SH3D19: variants seen among roughly 807,000 people sequenced by gnomAD.
SH3D19 encodes the protein SH3 domain-containing protein 19.
SH3D19 carries 58 observed loss-of-function variants against 112.1 expected under a neutral mutation model. That is an observed-to-expected ratio of 0.52 (90% CI 0.42 to 0.64). The LOEUF is 0.64. Among genes scored for constraint, SH3D19 ranks in the 30% least tolerant of loss-of-function variants. SH3D19 has a pLI of 0.00. For synonymous variants in SH3D19, 391 were observed against 448.5 expected (o/e 0.87, Z 1.62); for missense variants, 1,090 against 1,263.4 (o/e 0.86, Z 2.08).
At chr4:151,263,751 A>G (rs1772555356) in intron 1 of SH3D19, among the ~76,000 whole-genome samples, 2 of 151,828 alleles carry the variant, frequency 1.3e-5, no homozygotes, top group African/African-American at 4.8e-5. Flanking sequence ...ATGATCCAAG[A>G]CAGAGCAATA....
At chr4:151,320,653 G>A (rs1283742444) in intron 1 of SH3D19, among the ~76,000 whole-genome samples, 2 of 152,122 alleles carry the variant, frequency 1.3e-5, no homozygotes, top group South Asian at 2.1e-4. Flanking sequence ...AACAAAAGTT[G>A]AGATTCCTGG....
chr4:151,153,670 A>C (rs6535766), intron 9 of SH3D19, among the ~76,000 whole-genome samples: 146,900 of 152,264 alleles, frequency 0.96, 71,093 homozygotes, highest in African/African-American at 0.99. Context: ...ATATGCGTGA[A>C]TTCAGGCAAA....
intron 9 of SH3D19, among the ~76,000 whole-genome samples, chr4:151,158,389 T>C (rs1756526567): frequency 6.6e-6 from 1 of 152,082 alleles, no homozygotes; most frequent in African/African-American, 2.4e-5. Flanking sequence ...AACCTCTGTC[T>C]CCCGGGTTCA....
At chr4:151,192,439 AAATTTCCTACCCATTTTCC>A (rs1214116020) in intron 2 of SH3D19, among the ~76,000 whole-genome samples, 9 of 152,200 alleles carry the variant, frequency 5.9e-5, no homozygotes, top group Non-Finnish European at 1.3e-4. Flanking sequence ...AAGATATGTT[AAATTTCCTACCCATTTTCC>A]AATATAAACA....
intron 18 of SH3D19, 75 bp downstream of exon 18, chr4:151,128,095 G>T: frequency 1.6e-6 from 2 of 1,251,890 alleles, no homozygotes; most frequent in Non-Finnish European, 2.1e-6. Context: ...GGCCAGAGGG[G>T]AAAGGAATGT....
chr4:151,162,988 T>A (rs1757415664), intron 8 of SH3D19, among the ~76,000 whole-genome samples: 1 of 152,198 alleles, frequency 6.6e-6, no homozygotes, highest in Admixed American at 6.5e-5. Context: ...GCTTTCCTTC[T>A]GGGAATCTGG....
At chr4:151,316,583 ATTT>A (rs528080917) in intron 1 of SH3D19, among the ~76,000 whole-genome samples, 1 of 151,532 alleles carries the variant, frequency 6.6e-6, no homozygotes, top group Non-Finnish European at 1.5e-5. Context: ...TAATTTTTTT[ATTT>A]TTTTCTTAAT....
chr4:151,236,016 G>C (rs1001655680), intron 1 of SH3D19, among the ~76,000 whole-genome samples: 1 of 152,230 alleles, frequency 6.6e-6, no homozygotes. Flanking sequence ...CAGGCTCCAA[G>C]TGCCAAAGCC....
intron 18 of SH3D19, 35 bp downstream of exon 18, chr4:151,128,135 T>G: frequency 6.5e-6 from 10 of 1,540,138 alleles, no homozygotes; most frequent in Non-Finnish European, 7.9e-6. Context: ...AGGCTCCCCG[T>G]GAGGAGTCGC....
At chr4:151,151,921 T>C (rs1291267348) in intron 9 of SH3D19, among the ~76,000 whole-genome samples, 1 of 152,230 alleles carries the variant, frequency 6.6e-6, no homozygotes, top group African/African-American at 2.4e-5. Context: ...AAATTTGACA[T>C]GGAAAGATGC....
intron 1 of SH3D19, among the ~76,000 whole-genome samples, chr4:151,308,597 AG>A (rs1729143717): frequency 1.3e-5 from 2 of 152,322 alleles, no homozygotes; most frequent in South Asian, 4.1e-4. Flanking sequence ...CTGCTGCAAA[AG>A]GCCATCCTGT....
At chr4:151,214,339 A>G (rs1002773003) in intron 2 of SH3D19, among the ~76,000 whole-genome samples, 11 of 149,290 alleles carry the variant, frequency 7.4e-5, no homozygotes, top group African/African-American at 2.7e-4. Flanking sequence ...TCTATTCCAC[A>G]AAACCACCAT....
intron 1 of SH3D19, among the ~76,000 whole-genome samples, chr4:151,297,040 T>C (rs955941689): frequency 6.6e-6 from 1 of 152,210 alleles, no homozygotes; most frequent in African/African-American, 2.4e-5. Flanking sequence ...CTGTGTATAG[T>C]CTATCCACAC....
intron 2 of SH3D19, among the ~76,000 whole-genome samples, chr4:151,210,645 C>T (rs1420902480): frequency 6.6e-6 from 1 of 152,112 alleles, no homozygotes; most frequent in Non-Finnish European, 1.5e-5. Flanking sequence ...TTGTGATCCG[C>T]CTGCCTCGGC....
chr4:151,238,025 A>G (rs918428282), intron 1 of SH3D19, among the ~76,000 whole-genome samples: 2 of 146,174 alleles, frequency 1.4e-5, no homozygotes, highest in Non-Finnish European at 3.1e-5. Context: ...GGCAGAAGTA[A>G]TAAATAAGCC....
intron 8 of SH3D19, among the ~76,000 whole-genome samples, chr4:151,161,070 G>A (rs78256463): frequency 8.7e-4 from 133 of 152,270 alleles, no homozygotes; most frequent in Middle Eastern, 3.4e-3. Flanking sequence ...TTACTGGAAG[G>A]AGAAACACAG....
At chr4:151,125,325 T>G (rs563646777) in intron 19 of SH3D19, among the ~76,000 whole-genome samples, 4 of 151,672 alleles carry the variant, frequency 2.6e-5, no homozygotes, top group Non-Finnish European at 5.9e-5. Flanking sequence ...AGCCAGGCAT[T>G]GGTGGCTCAC....
In SH3D19 at chr4:151,245,855, C is replaced by T. The variant is rs538787229; in HGVS notation, c.113-19769G>A. 2.6e-5 allele frequency among the ~76,000 whole-genome samples: 4 copies of T among 152,286 alleles called. No individual in the cohort carries two copies. In the East Asian group the frequency reaches 7.7e-4, roughly 29 times the overall value. Reference sequence around the variant, plus strand: ...GACCTCAAGTGACTGCCTGCCTTGGCCTCCCAAAGTGCTGGGATTTACAGG... The same window carrying T: ...GACCTCAAGTGACTGCCTGCCTTGGTCTCCCAAAGTGCTGGGATTTACAGG... On this transcript the variant is annotated intron_variant, in intron 1 of 19. Coordinates refer to ENST00000604030, the MANE Select transcript of SH3D19 (RefSeq NM_001378122.1).
At chr4:151,301,902 C>G (rs565884197) in intron 1 of SH3D19, among the ~76,000 whole-genome samples, 1 of 152,248 alleles carries the variant, frequency 6.6e-6, no homozygotes, top group East Asian at 1.9e-4. Flanking sequence ...TTTCTAGTGA[C>G]TATTATTTGC....
Sources: gnomAD v4.1 joint callset for allele counts (sites outside exome capture counted in the v4.1 genomes callset) on GRCh38, gnomAD v4.1.1 for gene constraint, MANE v1.5 for transcripts, NCBI Gene and HGNC (gene_info 2026-07-23, HGNC 2026-07-21) for gene names.